The following INPP5F variants were observed in gnomAD, a reference collection of about 807,000 sequenced individuals.
INPP5F encodes the protein phosphatidylinositide 4-phosphatase SAC2.
Under a neutral mutation model 137.2 loss-of-function variants are expected in INPP5F, and 97 were observed. The ratio of observed to expected loss-of-function variants is 0.71; its 90% confidence interval spans 0.60 to 0.84. INPP5F has a LOEUF of 0.84. Ranked by LOEUF, INPP5F falls within the 40% of genes least tolerant of loss-of-function variation. The pLI is 0.00. For synonymous variants in INPP5F, 504 were observed against 476.9 expected, an observed-to-expected ratio of 1.06 and a Z score of -0.74; for missense variants, 1,271 against 1,371.9, an observed-to-expected ratio of 0.93 and a Z score of 1.16.
intron 9 of INPP5F, among the ~76,000 whole-genome samples, chr10:119,802,048 C>T (rs1056202813): frequency 6.6e-6 from 1 of 152,176 alleles, no homozygotes; most frequent in South Asian, 2.1e-4. Context: ...GGTCCCATTG[C>T]TGTCACCAGT....
intron 4 of INPP5F, 55 bp downstream of exon 4, chr10:119,791,700 A>G: frequency 6.8e-7 from 1 of 1,477,858 alleles, no homozygotes; most frequent in East Asian, 2.3e-5. Flanking sequence ...TTTTAAATAG[A>G]GAGATAATTC....
At chr10:119,814,967 G>A (rs1162082729) in intron 15 of INPP5F, among the ~76,000 whole-genome samples, 1 of 152,050 alleles carries the variant, frequency 6.6e-6, no homozygotes, top group East Asian at 1.9e-4. Context: ...CTGGGTTCAC[G>A]CCATTCTTCT....
Position 119,804,285 on chromosome 10 carries a change from TC to T in INPP5F, c.1231del (p.His411MetfsTer7). 6.2e-7 allele frequency: 1 copy of T among 1,611,698 alleles called. No homozygotes were observed. The highest frequency in any genetic ancestry group is 8.5e-7 in the Non-Finnish European group (1 of 1,179,508). On this transcript the variant is annotated frameshift_variant, in exon 10 of 20. Transcript: ENST00000650623. LOFTEE classifies it high-confidence loss of function. Reference protein sequence around the residue: ...NSHLTYVSFDFHEHCRGMKFE... With the variant: ...NSHLTYVSFDXHEHCRGMKFE... The stretch of plus-strand genomic sequence containing the variant: ...CACCTCACTTACGTTTCGTTTGACT[TC>T]CATGAGCACTGGTAAGATGGCTTTC...
At chr10:119,726,380 G>A in intron 1 of INPP5F, 21 bp downstream of exon 1, 1 of 1,284,294 alleles carries the variant, frequency 7.8e-7, no homozygotes, top group Non-Finnish European at 9.9e-7. Flanking sequence ...CGGTGCGGGC[G>A]GGGGGCACCC....
At position 119,827,804 on chromosome 10, in the gene INPP5F, A is replaced by G. The variant is rs1294499078; in HGVS notation, c.*24A>G. 4 of 1,486,602 alleles carry G rather than the reference A, an allele frequency of 2.7e-6. No individual in the cohort carries two copies. Among genetic ancestry groups the G allele is most frequent in the Non-Finnish European group, 3.7e-6 (4 of 1,091,984 alleles). 92.1% of individuals were successfully genotyped at this position (1,486,602 alleles called of 1,614,324 possible). A position where few individuals can be genotyped will look rare whatever the true frequency, so the allele number is the denominator to read the frequency against. On this transcript the variant is annotated 3_prime_UTR_variant, in exon 20 of 20. Transcript: ENST00000650623. ...AGCTTTTAGCCATAAGAATCCTTCC[A>G]TGGCTTTTATTTAAAAATATGAAAT...
At chr10:119,824,504 G>A (rs1005549568) in intron 19 of INPP5F, among the ~76,000 whole-genome samples, 6 of 152,198 alleles carry the variant, frequency 3.9e-5, no homozygotes, top group Non-Finnish European at 5.9e-5. Flanking sequence ...GCACTTCTTA[G>A]TGCCTCGTGC....
intron 1 of INPP5F, among the ~76,000 whole-genome samples, chr10:119,731,744 G>A (rs553265027): frequency 6.6e-6 from 1 of 152,258 alleles, no homozygotes; most frequent in Non-Finnish European, 1.5e-5. Flanking sequence ...ATATTAAATG[G>A]CTTACAAAAT....
chr10:119,799,630 G>A (rs1183106319), intron 9 of INPP5F, among the ~76,000 whole-genome samples: 2 of 152,166 alleles, frequency 1.3e-5, no homozygotes, highest in Non-Finnish European at 2.9e-5. Context: ...TCACACATTG[G>A]TTGAAGGAGC....
At chr10:119,770,025 C>CT (rs1237001018) in intron 2 of INPP5F, among the ~76,000 whole-genome samples, 6 of 152,112 alleles carry the variant, frequency 3.9e-5, no homozygotes, top group African/African-American at 1.4e-4. Context: ...TGCTCATCTC[C>CT]TTTTAAGTGA....
chr10:119,794,718 GGACGGGGCGGC>G (rs1850273391), intron 6 of INPP5F, among the ~76,000 whole-genome samples: 2 of 136,542 alleles, frequency 1.5e-5, no homozygotes, highest in Non-Finnish European at 3.2e-5. Context: ...CCTCCCTCCC[GGACGGGGCGGC>G]TGGCCAGGTG....
intron 15 of INPP5F, among the ~76,000 whole-genome samples, chr10:119,813,460 CA>C (rs1369570347): frequency 6.6e-6 from 1 of 151,892 alleles, no homozygotes; most frequent in African/African-American, 2.4e-5. Context: ...CTCATCTCTA[CA>C]AAAAAATTTT....
In INPP5F at chr10:119,787,606, G is replaced by A. The variant is rs1321763413; in HGVS notation, c.316-3911G>A. Among the ~76,000 whole-genome samples the A allele has an allele frequency of 6.9e-6, 1 of 144,234 alleles. No homozygotes were observed. The allele number at this position is 144,234 out of a possible 152,430, so 94.6% of individuals were successfully genotyped here. On this transcript the variant is annotated intron_variant, in intron 3 of 19. Coordinates refer to ENST00000650623, the MANE Select transcript of INPP5F (RefSeq NM_014937.4). This position sits in a 1 kb window ranked among gnomAD's most constrained non-coding sequence, Gnocchi z 4.1. ...GAAGGAAAGAAGGAAGGAAGGAAAG[G>A]ATAGAAGGAAGGAAAGGGAAGGGGG...
At chr10:119,776,620 G>A (rs1032073013) in intron 2 of INPP5F, among the ~76,000 whole-genome samples, 1 of 151,972 alleles carries the variant, frequency 6.6e-6, no homozygotes, top group African/African-American at 2.4e-5. Context: ...TGAATCCAGA[G>A]CAAATCAGGG....
intron 13 of INPP5F, among the ~76,000 whole-genome samples, chr10:119,808,358 T>C (rs541532254): frequency 3.5e-4 from 54 of 152,326 alleles, no homozygotes; most frequent in Admixed American, 2.7e-3. Flanking sequence ...TTATATGAAA[T>C]GGTTGGTTTT....
intron 1 of INPP5F, among the ~76,000 whole-genome samples, chr10:119,730,028 G>T (rs1848010607): frequency 1.3e-5 from 2 of 151,562 alleles, no homozygotes; most frequent in African/African-American, 2.4e-5. Context: ...TGAGTAATCT[G>T]TATTCATATA....
chr10:119,772,146 C>T (rs1486065999), intron 2 of INPP5F, among the ~76,000 whole-genome samples: 1 of 151,738 alleles, frequency 6.6e-6, no homozygotes, highest in Non-Finnish European at 1.5e-5. Flanking sequence ...GATCTGCCTA[C>T]CTCGGCCTCC....
At chr10:119,767,693 T>C (rs1034137904) in intron 2 of INPP5F, among the ~76,000 whole-genome samples, 1 of 152,172 alleles carries the variant, frequency 6.6e-6, no homozygotes, top group African/African-American at 2.4e-5. Flanking sequence ...CTTAGAGATA[T>C]GAATACAGAA....
At chr10:119,751,915 G>A (rs986264621) in intron 2 of INPP5F, among the ~76,000 whole-genome samples, 16 of 152,248 alleles carry the variant, frequency 1.1e-4, no homozygotes, top group African/African-American at 3.9e-4. Context: ...ACAGGCATGA[G>A]CCACCATGCC....
rs149552983 is a variant in INPP5F at position 119,810,129 on chromosome 10, G to A, written c.1599G>A (p.Lys533=). The A allele has an allele frequency of 3.7e-4, 602 of 1,612,790 alleles. 3 individuals are homozygous for A. The highest frequency in any genetic ancestry group is 1.3e-3 in the Admixed American group (75 of 59,990). The change falls in exon 14 of 20, where the codon AAG becomes AAA. Residue 533 remains lysine, a synonymous_variant. Transcript: ENST00000650623. ...KGDFTRTGER[K]LAGVMKDGVN... ...ACTTTACAAGGACAGGAGAAAGGAA[G>A]TTAGCAGGAGTTATGAAAGATGGAG...
Sources: allele counts gnomAD v4.1 joint callset (sites outside exome capture counted in the v4.1 genomes callset), GRCh38; gene constraint gnomAD v4.1.1; non-coding constraint Gnocchi (gnomAD v3.1); transcripts MANE v1.5; gene names NCBI Gene and HGNC (gene_info 2026-07-23, HGNC 2026-07-21).